The following IST1 variants were observed in gnomAD, a reference collection of about 807,000 sequenced individuals.
IST1 encodes IST1 factor associated with ESCRT-III, also known as IST1 homolog.
A neutral mutation model predicts 37.0 loss-of-function variants in IST1; 23 were observed. The ratio of observed to expected loss-of-function variants is 0.62; its 90% CI spans 0.45 to 0.88. The LOEUF (loss-of-function observed/expected upper bound fraction) is 0.88. IST1 is among the 40% of genes least tolerant of loss of function. IST1 has a pLI of 0.00. For synonymous variants in IST1, 180 were observed against 161.7 expected, an observed-to-expected ratio of 1.11 and a Z score of -0.86; for missense variants, 488 against 445.4, an observed-to-expected ratio of 1.10 and a Z score of -0.86.
rs577042589 is a variant in IST1, at chr16:71,929,726, G to T, written c.*1913G>T. 3 of 1,440,874 alleles carry T rather than the reference G, an allele frequency of 2.1e-6. No individual in the cohort carries two copies. Among genetic ancestry groups the T allele is most frequent in the Admixed American group, 2.7e-5 (1 of 37,138 alleles). 89.3% of individuals were successfully genotyped at this position (1,440,874 alleles called of 1,614,324 possible). A position where few individuals can be genotyped will look rare whatever the true frequency, so the allele number is the denominator to read the frequency against. On this transcript the variant is annotated 3_prime_UTR_variant, in exon 10 of 10. Transcript: ENST00000378799. Reference sequence around the variant, plus strand: ...GAAAAGTGAGAAAATTGAAATTACTGCTAATAGTGGAGTAAAAAAAGTACC... The same window carrying T: ...GAAAAGTGAGAAAATTGAAATTACTTCTAATAGTGGAGTAAAAAAAGTACC...
chr16:71,895,508 GTGC>G, upstream of IST1: 1 of 985,790 alleles, frequency 1.0e-6, no homozygotes, highest in Non-Finnish European at 1.2e-6. Flanking sequence ...CGCGCTTGTT[GTGC>G]TGAGGCCGAG....
At chr16:71,927,522 C>A in intron 9 of IST1, 92 bp from the exon 10 acceptor site, 2 of 848,230 alleles carry the variant, frequency 2.4e-6, no homozygotes, top group Non-Finnish European at 1.9e-6. Context: ...CTAAGGTTTT[C>A]TCCTGTGTTT....
At chr16:71,910,040 T>G (rs2142550635) in intron 1 of IST1, among the ~76,000 whole-genome samples, 1 of 152,294 alleles carries the variant, frequency 6.6e-6, no homozygotes, top group African/African-American at 2.4e-5. Flanking sequence ...GTTATCTTGG[T>G]TATATATTAA....
At chr16:71,927,449 A>G (rs940870726) in intron 9 of IST1, among the ~76,000 whole-genome samples, 165 bp from the exon 10 acceptor site, 13 of 151,504 alleles carry the variant, frequency 8.6e-5, no homozygotes, top group South Asian at 2.1e-4. Context: ...GATCACGCCA[A>G]CTGCACTCCA....
At chr16:71,904,758 CT>C (rs2037183041) in intron 1 of IST1, among the ~76,000 whole-genome samples, 1 of 152,128 alleles carries the variant, frequency 6.6e-6, no homozygotes, top group African/African-American at 2.4e-5. Flanking sequence ...CCATACTTTA[CT>C]TTTAAACTAC....
chr16:71,911,345 C>T (rs2037349230), intron 1 of IST1, among the ~76,000 whole-genome samples: 1 of 81,828 alleles, frequency 1.2e-5, no homozygotes, highest in Non-Finnish European at 2.3e-5. Context: ...TAGAATGCTA[C>T]GTTACCTTTT....
At position 71,895,562 on chromosome 16, in the gene IST1, T is replaced by C; in HGVS notation, c.-43T>C. ...GATGGTGAACCCTGAAGTCGGTGTC[T>C]GCTGCGTTCACGGCAGGATTCGGTT... On this transcript the variant is annotated 5_prime_UTR_variant, in exon 1 of 10. Coordinates refer to ENST00000378799, the MANE Select transcript of IST1 (RefSeq NM_001270975.2). 1.0e-6 allele frequency: 1 copy of C among 985,652 alleles called. No individual in the cohort carries two copies. Among genetic ancestry groups the C allele is most frequent in the South Asian group, 4.7e-5 (1 of 21,372 alleles). The allele number at this position is 985,652 out of a possible 1,614,324, so 61.1% of individuals were successfully genotyped here. A position where few individuals can be genotyped will look rare whatever the true frequency, so the allele number is the denominator to read the frequency against.
chr16:71,918,280 T>C (rs1438542126), intron 4 of IST1, among the ~76,000 whole-genome samples: 2 of 152,144 alleles, frequency 1.3e-5, no homozygotes, highest in African/African-American at 4.8e-5. Context: ...TGTTGTCTCC[T>C]GTGTGTAGAC....
At chr16:71,923,049 G>GT in intron 7 of IST1, 2 of 470,114 alleles carry the variant, frequency 4.3e-6, no homozygotes, top group Non-Finnish European at 7.5e-6. Context: ...TCTCGTTAGA[G>GT]TTTTCCCTTG....
rs569294931 is a variant in IST1 at position 71,926,214 on chromosome 16, G to A, written c.901+1397G>A. 6.2e-4 allele frequency among the ~76,000 whole-genome samples: 94 copies of A among 151,660 alleles called. 1 individual carries two copies. Among genetic ancestry groups the A allele is most frequent in the African/African-American group, 1.3e-3 (52 of 41,336 alleles). ...GAAGAATCTCTTGAACCCGGGAAGC[G>A]GAGGTTGTAGTGAACCAAGATTATG... On this transcript the variant is annotated intron_variant, in intron 9 of 9. Transcript: ENST00000378799.
intron 1 of IST1, among the ~76,000 whole-genome samples, chr16:71,898,923 C>T (rs2037039687): frequency 6.7e-6 from 1 of 148,588 alleles, no homozygotes; most frequent in Non-Finnish European, 1.5e-5. Context: ...CGAGATGGCA[C>T]CGCTGCACTC....
chr16:71,927,381 C>G (rs538817241), intron 9 of IST1, among the ~76,000 whole-genome samples: 6 of 151,580 alleles, frequency 4.0e-5, no homozygotes, highest in African/African-American at 1.5e-4. Context: ...CCCAGCTACT[C>G]AGGAGGCTGA....
chr16:71,930,090 T>G lies in IST1; in HGVS notation c.*2277T>G. 1 of 1,551,538 alleles carries G rather than the reference T, an allele frequency of 6.4e-7. No homozygotes were observed. The highest frequency in any genetic ancestry group is 2.4e-5 in the East Asian group (1 of 40,918). On this transcript the variant is annotated 3_prime_UTR_variant, in exon 10 of 10. Coordinates refer to ENST00000378799, the MANE Select transcript of IST1 (RefSeq NM_001270975.2). ...CTTTCTTTTCCAAAGGCCATGAGAA[T>G]GGCCGAAACGAAAAGATTAATTACC...
At chr16:71,898,645 AGAGT>A (rs2037031774) in intron 1 of IST1, among the ~76,000 whole-genome samples, 1 of 144,352 alleles carries the variant, frequency 6.9e-6, no homozygotes, top group South Asian at 2.2e-4. Flanking sequence ...CTTGGGCCAC[AGAGT>A]GAGACTCTGT....
At chr16:71,903,998 G>GT (rs1049626757) in intron 1 of IST1, among the ~76,000 whole-genome samples, 1 of 152,122 alleles carries the variant, frequency 6.6e-6, no homozygotes, top group African/African-American at 2.4e-5. Context: ...TAGGATTGTT[G>GT]TATCTTCCTG....
At position 71,927,958 on chromosome 16, in the gene IST1, CAGATTCTGCTGCTTT is replaced by C; in HGVS notation, c.*146_*160del. The C allele has an allele frequency of 3.1e-6, 2 of 637,954 alleles. No individual in the cohort carries two copies. The highest frequency in any genetic ancestry group is 3.7e-5 in the South Asian group (2 of 54,194). The allele number at this position is 637,954 out of a possible 1,614,324, so 39.5% of individuals were successfully genotyped here. A position where few individuals can be genotyped will look rare whatever the true frequency, so the allele number is the denominator to read the frequency against. On this transcript the variant is annotated 3_prime_UTR_variant, in exon 10 of 10. Coordinates refer to ENST00000378799, the MANE Select transcript of IST1 (RefSeq NM_001270975.2). ...CCTCTGGGCTCTCTTCCTGCTCCTC[CAGATTCTGCTGCTTT>C]CCAGTTCTCTGTTGATCCTGAGACT...
chr16:71,896,246 G>C (rs1164467618), intron 1 of IST1, among the ~76,000 whole-genome samples: 1 of 152,076 alleles, frequency 6.6e-6, no homozygotes, highest in East Asian at 1.9e-4. Flanking sequence ...CTTCTTCCGG[G>C]GTGCTGGAGG....
chr16:71,918,568 C>T (rs1597250801), intron 4 of IST1, among the ~76,000 whole-genome samples: 1 of 152,168 alleles, frequency 6.6e-6, no homozygotes. Context: ...AGGTGCCCGC[C>T]ACCATGCCCA....
Position 71,930,782 on chromosome 16 carries a change from A to T in IST1, c.*2969A>T, listed in dbSNP as rs571007793. ...TTCCCATAACAAAAACTGTTGTTTAAAATTTAGATGTTCTTTTTCAACAAA... is the reference window on the plus strand; with the variant it reads ...TTCCCATAACAAAAACTGTTGTTTATAATTTAGATGTTCTTTTTCAACAAA... On this transcript the variant is annotated 3_prime_UTR_variant, in exon 10 of 10. Transcript: ENST00000378799. 1 of 152,206 alleles carries T rather than the reference A, an allele frequency of 6.6e-6. No homozygotes were observed. Among genetic ancestry groups the T allele is most frequent in the Non-Finnish European group, 1.5e-5 (1 of 68,044 alleles). 9.4% of individuals were successfully genotyped at this position (152,206 alleles called of 1,614,324 possible).
Sources: gnomAD v4.1 joint callset for allele counts (sites outside exome capture counted in the v4.1 genomes callset) on GRCh38, gnomAD v4.1.1 for gene constraint, MANE v1.5 for transcripts, NCBI Gene and HGNC (gene_info 2026-07-23, HGNC 2026-07-21) for gene names.